EPM2A: variants seen among roughly 807,000 people sequenced by gnomAD.
The protein encoded by EPM2A is EPM2A glucan phosphatase, laforin.
In EPM2A, 21 loss-of-function variants were observed where a neutral mutation model predicts 26.5. The ratio of observed to expected loss-of-function variants is 0.79; its 90% CI spans 0.56 to 1.14. EPM2A has a LOEUF of 1.14. EPM2A is among the 50% of genes most tolerant of loss of function. The pLI is 0.00. For synonymous variants in EPM2A, 217 were observed against 177.6 expected (o/e 1.22, Z -1.76); for missense variants, 458 against 440.8 (o/e 1.04, Z -0.35).
At chr6:145,706,777 A>T (rs1337294715) in intron 1 of EPM2A, among the ~76,000 whole-genome samples, 1 of 152,184 alleles carries the variant, frequency 6.6e-6, no homozygotes, top group Non-Finnish European at 1.5e-5. Flanking sequence ...ATTGCTTGCT[A>T]TGTTTAAGAA....
chr6:145,530,331 G>A (rs1187741323), intron 2 of EPM2A, among the ~76,000 whole-genome samples: 1 of 152,172 alleles, frequency 6.6e-6, no homozygotes, highest in Non-Finnish European at 1.5e-5. Flanking sequence ...GAATTTAAGG[G>A]TTTTAAAGTT....
chr6:145,416,722 A>G (rs143691424), intron 4 of EPM2A, among the ~76,000 whole-genome samples: 1 of 152,276 alleles, frequency 6.6e-6, no homozygotes, highest in African/African-American at 2.4e-5. Context: ...GACTGCTTTT[A>G]CTTATAAGTT....
intron 4 of EPM2A, among the ~76,000 whole-genome samples, chr6:145,455,319 A>C (rs1562341316): frequency 6.6e-6 from 1 of 152,180 alleles, no homozygotes; most frequent in East Asian, 1.9e-4. Context: ...ACAACTACTT[A>C]TATGATTTAG....
intron 2 of EPM2A, among the ~76,000 whole-genome samples, chr6:145,661,013 G>C (rs953897144): frequency 6.6e-6 from 1 of 151,918 alleles, no homozygotes; most frequent in African/African-American, 2.4e-5. Context: ...TAGGAAGAGA[G>C]GACAAGAAAA....
intron 2 of EPM2A, among the ~76,000 whole-genome samples, chr6:145,676,312 C>A (rs183003394): frequency 6.6e-6 from 1 of 152,048 alleles, no homozygotes; most frequent in East Asian, 1.9e-4. Context: ...TAAATGCCCA[C>A]AAGAGAAAGC....
At chr6:145,621,953 C>T (rs1775646493), downstream of EPM2A, among the ~76,000 whole-genome samples, 1 of 151,978 alleles carries the variant, frequency 6.6e-6, no homozygotes, top group African/African-American at 2.4e-5. Flanking sequence ...GATGCACTTC[C>T]ACTTGCTTAT....
chr6:145,691,489 ATG>A (rs1172655386), intron 1 of EPM2A, among the ~76,000 whole-genome samples: 1 of 152,152 alleles, frequency 6.6e-6, no homozygotes, highest in African/African-American at 2.4e-5. Flanking sequence ...CTAACAGAAG[ATG>A]TCTAAACAAA....
At chr6:145,607,113 G>A (rs1775280604) in intron 2 of EPM2A, among the ~76,000 whole-genome samples, 1 of 152,114 alleles carries the variant, frequency 6.6e-6, no homozygotes, top group Non-Finnish European at 1.5e-5. Context: ...CCTGAGCTGA[G>A]CCTCCAAACC....
chr6:145,534,660 A>C (rs558701503), intron 2 of EPM2A, among the ~76,000 whole-genome samples: 11 of 152,340 alleles, frequency 7.2e-5, no homozygotes, highest in African/African-American at 2.6e-4. Context: ...CAGATGCACT[A>C]GCTCTCCTCC....
Position 145,457,837 on chromosome 6 carries a change from T to C in EPM2A, c.555+44685A>G, listed in dbSNP as rs192826255. 1.9e-3 allele frequency among the ~76,000 whole-genome samples: 284 copies of C among 152,336 alleles called. 5 individuals are homozygous for C. The highest frequency in any genetic ancestry group is 3.4e-4 in the Non-Finnish European group (23 of 68,040). On this transcript the variant is annotated intron_variant, in intron 4 of 4. Coordinates refer to the EPM2A transcript ENST00000638717. ...TGATAAAACCTTTGTATTTGTAATA[T>C]GTGTCAAGATACAGTTGTCTGAATG...
intron 2 of EPM2A, among the ~76,000 whole-genome samples, chr6:145,602,136 TAA>T (rs1781424616): frequency 1.3e-5 from 2 of 152,200 alleles, no homozygotes; most frequent in Non-Finnish European, 2.9e-5. Flanking sequence ...TTCCCATTGA[TAA>T]GTTAGATCAA....
chr6:145,707,933 C>T (rs1782315874), intron 1 of EPM2A, among the ~76,000 whole-genome samples: 1 of 152,144 alleles, frequency 6.6e-6, no homozygotes, highest in Admixed American at 6.6e-5. Context: ...TTGGAACTTC[C>T]CAGAGACTTG....
At chr6:145,397,266 A>G (rs550258805) in intron 4 of EPM2A, among the ~76,000 whole-genome samples, 25 of 152,126 alleles carry the variant, frequency 1.6e-4, no homozygotes, top group African/African-American at 5.5e-4. Context: ...ACACGTCTCT[A>G]CTAAAAGTGA....
intron 2 of EPM2A, among the ~76,000 whole-genome samples, chr6:145,597,476 T>A (rs1781362800): frequency 8.5e-6 from 1 of 117,150 alleles, no homozygotes; most frequent in Non-Finnish European, 1.9e-5. Context: ...TATTTTTTTT[T>A]CTTTTTTTTG....
At position 145,625,680 on chromosome 6, in the gene EPM2A, T is replaced by C. The variant is rs148479369; in HGVS notation, c.*1736A>G. ...ACTTTACTTAATGCTAGCTTATAAA[T>C]TTAACTTTGTAAAATTATAGTGGAA... is the stretch of plus-strand genomic sequence containing the variant. On this transcript the variant is annotated 3_prime_UTR_variant, in exon 4 of 4. Coordinates refer to ENST00000367519, the MANE Select transcript of EPM2A (RefSeq NM_005670.4). 145 of 762,542 alleles carry C rather than the reference T, an allele frequency of 1.9e-4. No individual in the cohort carries two copies. In the African/African-American group the frequency reaches 2.3e-3, roughly 12 times the overall value. 47.2% of individuals were successfully genotyped at this position (762,542 alleles called of 1,614,324 possible).
intron 4 of EPM2A, among the ~76,000 whole-genome samples, chr6:145,493,104 A>T (rs1345360312): frequency 6.6e-6 from 1 of 151,878 alleles, no homozygotes; most frequent in Non-Finnish European, 1.5e-5. Flanking sequence ...CCATTTCCCC[A>T]CAAGAGCCAG....
intron 2 of EPM2A, among the ~76,000 whole-genome samples, chr6:145,650,367 A>T (rs1034910944): frequency 6.6e-6 from 1 of 152,236 alleles, no homozygotes; most frequent in Non-Finnish European, 1.5e-5. Context: ...CCTGGCCAAC[A>T]TGGTGAAAGC....
chr6:145,602,390 A>T (rs1781427662), intron 2 of EPM2A, among the ~76,000 whole-genome samples: 1 of 152,246 alleles, frequency 6.6e-6, no homozygotes, highest in Non-Finnish European at 1.5e-5. Flanking sequence ...TGATAACCAG[A>T]TCATCTGCTT....
chr6:145,386,454 A>G (rs1778262956), intron 4 of EPM2A, among the ~76,000 whole-genome samples: 2 of 152,158 alleles, frequency 1.3e-5, no homozygotes, highest in Admixed American at 6.6e-5. Context: ...ATCATTTTAA[A>G]TAGTTCCAAG....
Sources: allele counts gnomAD v4.1 joint callset (sites outside exome capture counted in the v4.1 genomes callset), GRCh38; gene constraint gnomAD v4.1.1; transcripts MANE v1.5; gene names NCBI Gene and HGNC (gene_info 2026-07-23, HGNC 2026-07-21).